LTBP4: variants seen among roughly 807,000 people sequenced by gnomAD.
LTBP4 encodes the protein latent transforming growth factor beta binding protein 4, also known as latent-transforming growth factor beta-binding protein 4.
Under a neutral mutation model 180.2 loss-of-function variants are expected in LTBP4, and 93 were observed. The observed-to-expected ratio is 0.52, with a 90% CI of 0.44 to 0.61. The LOEUF is 0.61. Ranked by LOEUF, LTBP4 falls within the 20% of genes least tolerant of loss-of-function variation. LTBP4 has a pLI of 0.00. For missense variants in LTBP4, 2,116 were observed against 2,256.5 expected (o/e 0.94, Z 1.26); for synonymous variants, 947 against 934.5 (o/e 1.01, Z -0.24).
Position 40,609,716 on chromosome 19 carries a change from C to G in LTBP4, c.1559-30C>G. ...CGGGGCGGGGGGCTTTGCCTGGTCA[C>G]CTTGTCACCAGCCCCCTCCGTGTCC... On this transcript the variant is annotated intron_variant, in intron 10 of 29. Transcript: ENST00000396819. This position sits in a 1 kb window ranked among gnomAD's most constrained non-coding sequence, Gnocchi z 4.9. 1 of 1,611,324 alleles carries G rather than the reference C, an allele frequency of 6.2e-7. No homozygotes were observed. The highest frequency in any genetic ancestry group is 1.7e-5 in the Admixed American group (1 of 59,940).
chr19:40,610,004 G>T, intron 11 of LTBP4, 133 bp downstream of exon 11: 1 of 1,275,660 alleles, frequency 7.8e-7, no homozygotes, highest in South Asian at 1.6e-5. Flanking sequence ...CTGGCCCTTG[G>T]CCCTGCCCTT....
chr19:40,627,116 C>T lies in LTBP4; in HGVS notation c.4127C>T (p.Pro1376Leu). The change falls in exon 28 of 30, where the codon CCA (proline) becomes CTA (leucine). Residue 1376 changes from proline to leucine, a missense_variant. By Grantham distance (98) the Pro-to-Leu change is moderately conservative (BLOSUM62 -3). This residue lies in a region of LTBP4 where 488 missense variants were observed against 458.8 expected (regional missense o/e 1.06). Transcript: ENST00000396819. ...CTCCCATATGGGCCTGAGTTGTACCCACCACCTGCGCTACCCTACGACCCC... is the reference window on the plus strand; with the variant it reads ...CTCCCATATGGGCCTGAGTTGTACCTACCACCTGCGCTACCCTACGACCCC... Reference protein sequence around the residue: ...QGLPYGPELYPPPALPYDPYP... With the variant: ...QGLPYGPELYLPPALPYDPYP... 1 of 1,613,986 alleles carries T rather than the reference C, an allele frequency of 6.2e-7. No homozygotes were observed. The highest frequency in any genetic ancestry group is 8.5e-7 in the Non-Finnish European group (1 of 1,179,868).
At chr19:40,606,157 C>T in intron 4 of LTBP4, 76 bp from the exon 5 acceptor site, 3 of 1,316,398 alleles carry the variant, frequency 2.3e-6, no homozygotes, top group Non-Finnish European at 3.2e-6. Flanking sequence ...GTCCCTCCCA[C>T]CCCGTCTTCG....
intron 11 of LTBP4, chr19:40,610,272 T>A (rs2081495939): frequency 3.8e-6 from 2 of 529,294 alleles, no homozygotes; most frequent in Admixed American, 3.3e-5. Flanking sequence ...ATCCCCAAAC[T>A]GCTCCTTTCT....
chr19:40,619,499 A>G lies in LTBP4; in HGVS notation c.3217+6A>G. ...TCCCCCACGAACTTCTGCTGGTGAG[A>G]CTGATGTGTCTATTTAACTGATGGC... is the stretch of plus-strand genomic sequence containing the variant. On this transcript the variant is annotated splice_donor_region_variant and intron_variant, in intron 22 of 29. Coordinates refer to ENST00000396819, the MANE Select transcript of LTBP4 (RefSeq NM_001042545.2). 6.2e-7 allele frequency: 1 copy of G among 1,605,330 alleles called. No homozygotes were observed. The highest frequency in any genetic ancestry group is 8.5e-7 in the Non-Finnish European group (1 of 1,174,152).
rs377405402 is a variant in LTBP4, at chr19:40,611,990, G to A, written c.2179+6G>A. 1 of 1,611,748 alleles carries A rather than the reference G, an allele frequency of 6.2e-7. No individual in the cohort carries two copies. On this transcript the variant is annotated splice_donor_region_variant and intron_variant, in intron 14 of 29. Coordinates refer to ENST00000396819, the MANE Select transcript of LTBP4 (RefSeq NM_001042545.2). The surrounding 1 kb of genome is among the most constrained non-coding windows in gnomAD (Gnocchi z 4.4). ...TGCTGGCTCCGAGTGCGAGGGTGAG[G>A]CCGGGGAGGGAGGGAGGAGTGTGGA...
chr19:40,601,678 G>T, intron 1 of LTBP4, 41 bp downstream of exon 1: 2 of 1,304,802 alleles, frequency 1.5e-6, no homozygotes, highest in South Asian at 2.0e-5. Flanking sequence ...GGCTCCGGGG[G>T]GGAGGAGGAT....
At position 40,611,528 on chromosome 19, in the gene LTBP4, C is replaced by G; in HGVS notation, c.2053+134C>G. The G allele has an allele frequency of 7.7e-7, 1 of 1,297,508 alleles. No homozygotes were observed. Among genetic ancestry groups the G allele is most frequent in the Non-Finnish European group, 1.0e-6 (1 of 959,318 alleles). The allele number at this position is 1,297,508 out of a possible 1,614,324, so 80.4% of individuals were successfully genotyped here. A position where few individuals can be genotyped will look rare whatever the true frequency, so the allele number is the denominator to read the frequency against. On this transcript the variant is annotated intron_variant, in intron 13 of 29. Coordinates refer to ENST00000396819, the MANE Select transcript of LTBP4 (RefSeq NM_001042545.2). The surrounding 1 kb of genome is among the most constrained non-coding windows in gnomAD (Gnocchi z 4.4). ...GGGGCTGAGGGATGGGGACCTCACT[C>G]CAGAGTCTTCTCTCCTTTCAACAAA...
At chr19:40,607,571 G>A in intron 7 of LTBP4, 42 bp downstream of exon 7, 2 of 1,549,176 alleles carry the variant, frequency 1.3e-6, no homozygotes, top group Non-Finnish European at 8.7e-7. Flanking sequence ...CGCAACACAT[G>A]TGGCGCTCAT....
chr19:40,611,197 C>A lies in LTBP4; in HGVS notation c.1856C>A (p.Ala619Asp). 6.2e-7 allele frequency: 1 copy of A among 1,613,624 alleles called. No individual in the cohort carries two copies. The highest frequency in any genetic ancestry group is 8.5e-7 in the Non-Finnish European group (1 of 1,179,794). ...TQSPGLCGRG[A>D]CKNLPGSFRC... The stretch of plus-strand genomic sequence containing the variant: ...AGCCCAGGCCTGTGTGGCCGAGGGG[C>A]CTGCAAGAACCTGCCTGGCTCTTTC... The change falls in exon 13 of 30, where the codon GCC becomes GAC. Residue 619 changes from alanine (A) to aspartate (D), a missense_variant. This residue lies in a region of LTBP4 where 877 missense variants were observed against 873.6 expected (regional missense o/e 1.00). Transcript: ENST00000396819. This position sits in a 1 kb window ranked among gnomAD's most constrained non-coding sequence, Gnocchi z 4.4.
chr19:40,619,342 T>C lies in LTBP4; in HGVS notation c.3071-5T>C. The C allele has an allele frequency of 6.2e-7, 1 of 1,613,148 alleles. No homozygotes were observed. The highest frequency in any genetic ancestry group is 2.2e-5 in the East Asian group (1 of 44,856). Reference sequence around the variant, plus strand: ...TCCCTCTCCCCTGTTGTCTCCTGCTTACAGATGTGAACGAGTGTGAAACAC... The same window carrying C: ...TCCCTCTCCCCTGTTGTCTCCTGCTCACAGATGTGAACGAGTGTGAAACAC... On this transcript the variant is annotated splice_polypyrimidine_tract_variant and splice_region_variant and intron_variant, in intron 21 of 29. Transcript: ENST00000396819.
chr19:40,613,274 G>A lies in LTBP4; in HGVS notation c.2431+78G>A. The A allele has an allele frequency of 6.5e-7, 1 of 1,543,122 alleles. No homozygotes were observed. The highest frequency in any genetic ancestry group is 1.2e-5 in the South Asian group (1 of 83,558). ...GGGCAAAGCCGGCTGGAAAGGTGGA[G>A]GCGGGACCAAGGCGCTGTGGGAGGA... On this transcript the variant is annotated intron_variant, in intron 16 of 29. Transcript: ENST00000396819. This position sits in a 1 kb window ranked among gnomAD's most constrained non-coding sequence, Gnocchi z 5.0.
intron 24 of LTBP4, 60 bp from the exon 25 acceptor site, chr19:40,623,544 T>A (rs1384710324): frequency 6.4e-7 from 1 of 1,564,754 alleles, no homozygotes; most frequent in Non-Finnish European, 8.7e-7. Context: ...TCCCACGTCA[T>A]GCCCTCACAC....
At chr19:40,612,325 C>A in intron 15 of LTBP4, 133 bp downstream of exon 15, 1 of 1,214,894 alleles carries the variant, frequency 8.2e-7, no homozygotes, top group Non-Finnish European at 1.1e-6. Flanking sequence ...CCTGTGACTC[C>A]TGACCCTGAC....
chr19:40,627,244 T>A lies in LTBP4; in HGVS notation c.4255T>A (p.Ser1419Thr). Residue 1419 changes from serine (S) to threonine (T), a missense_variant, in exon 28 of 30, where the codon TCT becomes ACT. By Grantham distance (58) the Ser-to-Thr change is moderately conservative. Coordinates refer to ENST00000396819, the MANE Select transcript of LTBP4 (RefSeq NM_001042545.2). ...FEDDGGPYGESEAPAPPGPGT... is the reference protein window; with the variant it reads ...FEDDGGPYGETEAPAPPGPGT... ...GGACGATGGTGGCCCCTATGGCGAA[T>A]CTGAGGCTCCTGCGCCACCTGGCCC... 1 of 1,594,116 alleles carries A rather than the reference T, an allele frequency of 6.3e-7. No individual in the cohort carries two copies. The highest frequency in any genetic ancestry group is 8.5e-7 in the Non-Finnish European group (1 of 1,172,586).
In LTBP4 at chr19:40,627,172, C is replaced by T. The variant is rs771428123; in HGVS notation, c.4183C>T (p.Arg1395Trp). Residue 1395 changes from arginine to tryptophan, a missense_variant, in exon 28 of 30, where the codon CGG (arginine) becomes TGG (tryptophan). Coordinates refer to ENST00000396819, the MANE Select transcript of LTBP4 (RefSeq NM_001042545.2). ...ACCGCCACCTGGGCCCTTCGCCCGC[C>T]GGGAGGCTCCTTATGGGGCACCCCG... is the stretch of plus-strand genomic sequence containing the variant. ...YPPPPGPFAR[R>W]EAPYGAPRFD... 17 of 1,613,186 alleles carry T rather than the reference C, an allele frequency of 1.1e-5. No homozygotes were observed. Among genetic ancestry groups the T allele is most frequent in the South Asian group, 8.8e-5 (8 of 90,920 alleles).
chr19:40,605,845 C>T lies in LTBP4; in HGVS notation c.793+14C>T, dbSNP rs1322179417. On this transcript the variant is annotated intron_variant, in intron 4 of 29. Coordinates refer to ENST00000396819, the MANE Select transcript of LTBP4 (RefSeq NM_001042545.2). This position sits in a 1 kb window ranked among gnomAD's most constrained non-coding sequence, Gnocchi z 5.5. The stretch of plus-strand genomic sequence containing the variant: ...CCGAGCGCCTGGGTAAGCCCCAGGA[C>T]GTCCCCGAAGTGCTCGGAGCTGGGG... 6.5e-7 allele frequency: 1 copy of T among 1,535,858 alleles called. No homozygotes were observed. Among genetic ancestry groups the T allele is most frequent in the Non-Finnish European group, 8.7e-7 (1 of 1,146,252 alleles).
chr19:40,617,355 A>C, intron 21 of LTBP4, 130 bp downstream of exon 21: 55 of 1,280,492 alleles, frequency 4.3e-5, no homozygotes, highest in Non-Finnish European at 5.4e-5. Context: ...ATATAAGATC[A>C]TCTTCATGCC....
Position 40,609,392 on chromosome 19 carries a change from A to C in LTBP4, c.1427-138A>C, listed in dbSNP as rs2081487540. The C allele has an allele frequency of 9.0e-7, 1 of 1,110,528 alleles. No individual in the cohort carries two copies. Among genetic ancestry groups the C allele is most frequent in the Non-Finnish European group, 1.3e-6 (1 of 772,420 alleles). The allele number at this position is 1,110,528 out of a possible 1,614,324, so 68.8% of individuals were successfully genotyped here. On this transcript the variant is annotated intron_variant, in intron 9 of 29. Transcript: ENST00000396819. This position sits in a 1 kb window ranked among gnomAD's most constrained non-coding sequence, Gnocchi z 4.9. ...TTCCAGGATAAAAAAGATGGAGATC[A>C]GAAGAAGACTGGGCTTGCTTGGGGA...
Sources: gnomAD v4.1 joint callset for allele counts on GRCh38, gnomAD v4.1.1 for gene constraint, gnomAD v4.1.1 regional missense constraint, Gnocchi (gnomAD v3.1) non-coding constraint, MANE v1.5 for transcripts, NCBI Gene and HGNC (gene_info 2026-07-23, HGNC 2026-07-21) for gene names.